Variants in RNF212 observed in about 807,000 individuals in gnomAD.
The protein encoded by RNF212 is probable E3 SUMO-protein ligase RNF212.
In RNF212, 33 loss-of-function variants were observed where a neutral mutation model predicts 34.7. That is an observed-to-expected ratio of 0.95 (90% CI 0.72 to 1.27). The LOEUF is 1.27. RNF212 is among the 50% of genes most tolerant of loss of function. The pLI is 0.00. For synonymous variants in RNF212, 140 were observed against 136.1 expected (o/e 1.03, Z -0.20); for missense variants, 377 against 362.2 (o/e 1.04, Z -0.33).
downstream of RNF212, among the ~76,000 whole-genome samples, chr4:1,069,954 C>T (rs181353714): frequency 1.3e-5 from 2 of 152,288 alleles, no homozygotes; most frequent in Non-Finnish European, 2.9e-5. Context: ...GCTGTGTCAG[C>T]GTGGACGCCT....
At chr4:1,104,766 G>A (rs1261392926) in intron 2 of RNF212, among the ~76,000 whole-genome samples, 2 of 152,140 alleles carry the variant, frequency 1.3e-5, no homozygotes, top group Non-Finnish European at 2.9e-5. Flanking sequence ...CTCGGGTCCC[G>A]ATTTGGCCTG....
chr4:1,084,864 C>T (rs1374856920), intron 5 of RNF212, among the ~76,000 whole-genome samples: 1 of 152,016 alleles, frequency 6.6e-6, no homozygotes, highest in Non-Finnish European at 1.5e-5. Flanking sequence ...ACTCTTAGAA[C>T]CCAAAATAAC....
chr4:1,079,926 C>T (rs1374615245), intron 7 of RNF212, among the ~76,000 whole-genome samples: 1 of 152,246 alleles, frequency 6.6e-6, no homozygotes, highest in Admixed American at 6.5e-5. Context: ...CTGGCCGGCC[C>T]GCCCTGGTTG....
chr4:1,066,523 G>A (rs912901342), downstream of RNF212, among the ~76,000 whole-genome samples: 1 of 152,046 alleles, frequency 6.6e-6, no homozygotes, highest in South Asian at 2.1e-4. Context: ...AGAGATGGGG[G>A]TTTCACCATG....
rs142176103 is a variant in RNF212, at chr4:1,086,105, G to A, written c.304-151C>T. The A allele has an allele frequency of 7.5e-4, 506 of 671,654 alleles. 2 individuals carry two copies. The highest frequency in any genetic ancestry group is 6.6e-3 in the African/African-American group (376 of 57,060). The allele number at this position is 671,654 out of a possible 1,614,324, so 41.6% of individuals were successfully genotyped here. ...CAGGAGTAAATCTGCCTGGAGTTCC[G>A]CCCATCAGACACTTAGGAAATCGGC... On this transcript the variant is annotated intron_variant, in intron 4 of 9. Transcript: ENST00000433731.
In RNF212 at chr4:1,080,733, G is replaced by C. The variant is rs148573001; in HGVS notation, c.464+686C>G. 7.9e-4 allele frequency among the ~76,000 whole-genome samples: 120 copies of C among 152,302 alleles called. 1 individual carries two copies. The highest frequency in any genetic ancestry group is 7.8e-3 in the Admixed American group (119 of 15,292). ...CTGCCTCTTGCTACCTGTGGACAGA[G>C]CACTGTCCTCCCCACAGGCGCCCTC... is the stretch of plus-strand genomic sequence containing the variant. On this transcript the variant is annotated intron_variant, in intron 7 of 9. Transcript: ENST00000433731.
At chr4:1,058,457 G>A in intron 3 of RNF212, 2 of 718,522 alleles carry the variant, frequency 2.8e-6, no homozygotes, top group Non-Finnish European at 3.4e-6. Context: ...CTTTGAGGAC[G>A]ACGACCAGGC....
chr4:1,113,582 G>A (rs956419071), upstream of RNF212: 6 of 723,510 alleles, frequency 8.3e-6, no homozygotes, highest in Admixed American at 7.7e-5. Context: ...CAAAGTCGAC[G>A]GCAGCCCTGC....
chr4:1,112,640 G>C (rs1237025443), intron 1 of RNF212, among the ~76,000 whole-genome samples: 1 of 150,626 alleles, frequency 6.6e-6, no homozygotes, highest in Admixed American at 6.6e-5. Context: ...CCCGCAGCCT[G>C]CAAGCCAGAG....
chr4:1,073,246 G>A, intron 9 of RNF212, 53 bp from the exon 10 acceptor site: 2 of 1,591,156 alleles, frequency 1.3e-6, no homozygotes, highest in Admixed American at 3.4e-5. Flanking sequence ...TGTGGGCTGA[G>A]GTGGATGTGT....
At chr4:1,074,396 C>G (rs922512650) in intron 8 of RNF212, among the ~76,000 whole-genome samples, 4 of 152,214 alleles carry the variant, frequency 2.6e-5, no homozygotes, top group African/African-American at 9.7e-5. Context: ...CTGCCGCCAT[C>G]AACTGTGCCC....
At chr4:1,090,689 A>G (rs2153051616) in intron 4 of RNF212, 93 bp downstream of exon 4, 2 of 769,576 alleles carry the variant, frequency 2.6e-6, no homozygotes, top group Admixed American at 1.9e-5. Flanking sequence ...TCTAGCAGCC[A>G]TCCCCTTTGA....
chr4:1,079,759 C>A, intron 7 of RNF212, 71 bp from the exon 8 acceptor site: 2 of 1,006,118 alleles, frequency 2.0e-6, no homozygotes, highest in Non-Finnish European at 3.2e-6. Context: ...TTGAAATACA[C>A]ACATGACGAG....
At chr4:1,084,668 C>T (rs529070295) in intron 5 of RNF212, among the ~76,000 whole-genome samples, 2 of 127,830 alleles carry the variant, frequency 1.6e-5, no homozygotes, top group South Asian at 5.5e-4. Context: ...GAGGTTGAGG[C>T]GTGAGCTGAG....
intron 2 of RNF212, among the ~76,000 whole-genome samples, chr4:1,102,024 GAT>G (rs1328904155): frequency 2.6e-5 from 4 of 152,036 alleles, no homozygotes; most frequent in African/African-American, 9.7e-5. Context: ...AAAATTCAAA[GAT>G]AAAAATATAG....
chr4:1,096,725 T>A, intron 3 of RNF212, 40 bp downstream of exon 3: 1 of 1,428,214 alleles, frequency 7.0e-7, no homozygotes, highest in Non-Finnish European at 9.9e-7. Context: ...ATAGTGCACC[T>A]GGCTCATCAC....
intron 5 of RNF212, among the ~76,000 whole-genome samples, chr4:1,084,343 TAGG>T (rs1277768359): frequency 2.6e-5 from 4 of 152,196 alleles, no homozygotes; most frequent in South Asian, 2.1e-4. Context: ...CTAGTAAATG[TAGG>T]AGGCTTTGCT....
intron 2 of RNF212, among the ~76,000 whole-genome samples, chr4:1,105,490 A>G (rs1308915878): frequency 2.0e-5 from 3 of 152,272 alleles, no homozygotes; most frequent in Non-Finnish European, 2.9e-5. Context: ...CACACTGCGA[A>G]GCAGAATAAT....
intron 2 of RNF212, among the ~76,000 whole-genome samples, chr4:1,107,824 C>G (rs4974642): frequency 0.82 from 125,013 of 152,174 alleles, 52,752 homozygotes; most frequent in East Asian, 1. Flanking sequence ...TTTGTAATCA[C>G]AAAAAAACAA....
Sources: gnomAD v4.1 joint callset for allele counts (sites outside exome capture counted in the v4.1 genomes callset) on GRCh38, gnomAD v4.1.1 for gene constraint, MANE v1.5 for transcripts, NCBI Gene and HGNC (gene_info 2026-07-23, HGNC 2026-07-21) for gene names.